Variants in FCRL5 observed in about 807,000 individuals in gnomAD.
The protein encoded by FCRL5 is Fc receptor-like protein 5.
A neutral mutation model predicts 92.1 loss-of-function variants in FCRL5; 79 were observed. The ratio of observed to expected loss-of-function variants is 0.86; its 90% CI spans 0.72 to 1.03. The LOEUF is 1.03. Among genes scored for constraint, FCRL5 ranks in the 50% least tolerant of loss-of-function variants. The pLI is 0.00. For missense variants in FCRL5, 1,160 were observed against 1,181.1 expected (o/e 0.98, Z 0.26); for synonymous variants, 466 against 469.3 (o/e 0.99, Z 0.09).
intron 8 of FCRL5, chr1:157,533,190 T>G (rs972396945): frequency 1.3e-5 from 2 of 152,318 alleles, no homozygotes; most frequent in Admixed American, 1.3e-4. Context: ...ATATTCAAGT[T>G]TTCTTTACTT....
chr1:157,513,789 T>C lies in FCRL5; in HGVS notation c.*1886A>G, dbSNP rs1254421686. On this transcript the variant is annotated 3_prime_UTR_variant, in exon 17 of 17. Coordinates refer to ENST00000361835, the MANE Select transcript of FCRL5 (RefSeq NM_031281.3). ...GTGCCTCCACCTTCTCAGAACTGCA[T>C]AGGGCGTGAGCTTTGTTGGTGATGT... The C allele has an allele frequency of 6.6e-6, 1 of 152,214 alleles. No individual in the cohort carries two copies. The highest frequency in any genetic ancestry group is 1.9e-4 in the East Asian group (1 of 5,196). The allele number at this position is 152,214 out of a possible 1,614,324, so 9.4% of individuals were successfully genotyped here.
rs1649911364 is a variant in FCRL5, at chr1:157,515,984, G to A, written c.2813-111C>T. The A allele has an allele frequency of 8.7e-6, 10 of 1,151,712 alleles. No individual in the cohort carries two copies. The South Asian group carries it at 1.3e-4, about 15-fold the overall frequency. 71.3% of individuals were successfully genotyped at this position (1,151,712 alleles called of 1,614,324 possible). ...TCCTGGAGGCCCGCTCTCCCTCTGT[G>A]CGGTGAGTAGCCATTCCTCTTAGTT... is the stretch of plus-strand genomic sequence containing the variant. On this transcript the variant is annotated intron_variant, in intron 15 of 16. Coordinates refer to ENST00000361835, the MANE Select transcript of FCRL5 (RefSeq NM_031281.3).
Position 157,542,754 on chromosome 1 carries a change from A to G in FCRL5, c.1123+105T>C, listed in dbSNP as rs1651325474. The G allele has an allele frequency of 2.9e-6, 4 of 1,375,396 alleles. No homozygotes were observed. The South Asian group carries it at 5.6e-5, about 19-fold the overall frequency. The allele number at this position is 1,375,396 out of a possible 1,614,324, so 85.2% of individuals were successfully genotyped here. A position where few individuals can be genotyped will look rare whatever the true frequency, so the allele number is the denominator to read the frequency against. On this transcript the variant is annotated intron_variant, in intron 6 of 16. Transcript: ENST00000361835. The stretch of plus-strand genomic sequence containing the variant: ...TGGAGGAGGACATTAGGTTTTCCCA[A>G]GAAAGAAACTGAGGATACTGGAAGG...
At chr1:157,535,843 A>T (rs550081423) in intron 7 of FCRL5, among the ~76,000 whole-genome samples, 1 of 152,080 alleles carries the variant, frequency 6.6e-6, no homozygotes, top group Non-Finnish European at 1.5e-5. Flanking sequence ...TCACACAGCT[A>T]GTAAGTGAAG....
Position 157,524,315 on chromosome 1 carries a change from C to A in FCRL5, c.2203G>T (p.Ala735Ser). ...AGTGTCACCATCTCACTGCGCTGGG[C>A]CTCCAGACCATTGTCTGCCTCACAG... Reference protein sequence around the residue: ...YSCEADNGLEAQRSEMVTLKV... With the variant: ...YSCEADNGLESQRSEMVTLKV... Residue 735 changes from alanine to serine, a missense_variant, in exon 10 of 17, where the codon GCC becomes TCC. Coordinates refer to ENST00000361835, the MANE Select transcript of FCRL5 (RefSeq NM_031281.3). The A allele has an allele frequency of 6.2e-7, 1 of 1,614,272 alleles. No individual in the cohort carries two copies. The highest frequency in any genetic ancestry group is 1.1e-5 in the South Asian group (1 of 91,088).
intron 3 of FCRL5, 73 bp from the exon 4 acceptor site, chr1:157,545,155 G>A: frequency 6.6e-7 from 1 of 1,510,386 alleles, no homozygotes; most frequent in Non-Finnish European, 8.9e-7. Context: ...TTTCCAAGTA[G>A]ATTTTATTTT....
At chr1:157,515,948 A>G in intron 15 of FCRL5, 75 bp from the exon 16 acceptor site, 1 of 1,551,356 alleles carries the variant, frequency 6.4e-7, no homozygotes, top group Non-Finnish European at 8.9e-7. Flanking sequence ...CTGTGGGGCC[A>G]GCCCTGAGCC....
chr1:157,534,859 G>C lies in FCRL5; in HGVS notation c.1436C>G (p.Ser479Cys). ...PVSHPVLTLS[S>C]AEALTFEGAT... Reference sequence around the variant, plus strand: ...TCCTTCAAAAGTCAGGGCCTCAGCAGAGCTGAGGGTGAGGACAGGATGAGA... The same window carrying C: ...TCCTTCAAAAGTCAGGGCCTCAGCACAGCTGAGGGTGAGGACAGGATGAGA... The change falls in exon 8 of 17, where the codon TCT becomes TGT. Residue 479 changes from serine to cysteine, a missense_variant. By Grantham distance (112) the Ser-to-Cys change is moderately radical (BLOSUM62 -1). Coordinates refer to ENST00000361835, the MANE Select transcript of FCRL5 (RefSeq NM_031281.3). 2 of 1,565,952 alleles carry C rather than the reference G, an allele frequency of 1.3e-6. No homozygotes were observed. Among genetic ancestry groups the C allele is most frequent in the Non-Finnish European group, 1.7e-6 (2 of 1,157,122 alleles).
In FCRL5 at chr1:157,546,979, G is replaced by A. The variant is rs199794080; in HGVS notation, c.271C>T (p.Pro91Ser). ...TCCAAGTGCACAGGGCTACTGAGAGGGGAGCCCTGGGCCTGGCATCTGTAC... is the reference window on the plus strand; with the variant it reads ...TCCAAGTGCACAGGGCTACTGAGAGAGGAGCCCTGGGCCTGGCATCTGTAC... ...GEYRCQAQGS[P>S]LSSPVHLDFS... The change falls in exon 3 of 17, where the codon CCT becomes TCT. Residue 91 changes from proline (P) to serine (S), a missense_variant. Coordinates refer to ENST00000361835, the MANE Select transcript of FCRL5 (RefSeq NM_031281.3). 13 of 1,614,150 alleles carry A rather than the reference G, an allele frequency of 8.1e-6. No homozygotes were observed. The East Asian group carries it at 2.5e-4, about 30-fold the overall frequency.
rs757369968 is a variant in FCRL5, at chr1:157,524,492, G to T, written c.2026C>A (p.Leu676Met). The T allele has an allele frequency of 4.3e-6, 7 of 1,614,162 alleles. No individual in the cohort carries two copies. In the South Asian group the frequency reaches 6.6e-5, roughly 15 times the overall value. The change falls in exon 10 of 17, where the codon CTG becomes ATG. Residue 676 changes from leucine to methionine, a missense_variant. Coordinates refer to ENST00000361835, the MANE Select transcript of FCRL5 (RefSeq NM_031281.3). ...PRAQAVVGDL[L>M]ELHCEALRGS... Reference sequence around the variant, plus strand: ...CTCAGGGCCTCACAGTGAAGCTCCAGCAGGTCCCCCACCACAGCCTGGGCC... The same window carrying T: ...CTCAGGGCCTCACAGTGAAGCTCCATCAGGTCCCCCACCACAGCCTGGGCC...
intron 10 of FCRL5, among the ~76,000 whole-genome samples, chr1:157,523,637 G>C (rs1236767498): frequency 6.6e-6 from 1 of 152,176 alleles, no homozygotes; most frequent in African/African-American, 2.4e-5. Context: ...CTTTCCTTGG[G>C]TTATTACACT....
intron 2 of FCRL5, chr1:157,547,399 A>C: frequency 1.3e-6 from 1 of 763,498 alleles, no homozygotes; most frequent in East Asian, 2.5e-5. Context: ...GATGGCAATG[A>C]GCAAAATGAT....
intron 8 of FCRL5, among the ~76,000 whole-genome samples, chr1:157,529,595 A>ACG (rs1491160203): frequency 2.1e-5 from 3 of 139,786 alleles, no homozygotes; most frequent in African/African-American, 9.7e-5. Flanking sequence ...ATACATACGC[A>ACG]TGTGTGTGTG....
At chr1:157,527,543 C>G in intron 9 of FCRL5, 74 bp downstream of exon 9, 2 of 1,433,844 alleles carry the variant, frequency 1.4e-6, no homozygotes, top group Non-Finnish European at 1.9e-6. Flanking sequence ...GAAACTGTAC[C>G]TCTGATCTTG....
intron 7 of FCRL5, among the ~76,000 whole-genome samples, chr1:157,538,334 A>T (rs114090626): frequency 0.013 from 1,979 of 152,296 alleles, 38 homozygotes; most frequent in African/African-American, 0.046. Context: ...ACCAACCAAG[A>T]CTGGACTCTC....
At chr1:157,518,875 G>C in intron 13 of FCRL5, 93 bp from the exon 14 acceptor site, 1 of 985,440 alleles carries the variant, frequency 1.0e-6, no homozygotes. Context: ...CTGCAGGGTG[G>C]CTGCCAGGCC....
chr1:157,529,882 G>A (rs886503181), intron 8 of FCRL5, among the ~76,000 whole-genome samples: 1 of 152,142 alleles, frequency 6.6e-6, no homozygotes, highest in African/African-American at 2.4e-5. Context: ...CTCTGGCAAC[G>A]AGTGCACCAA....
chr1:157,549,666 T>G, intron 1 of FCRL5, 86 bp from the exon 2 acceptor site: 10 of 1,177,906 alleles, frequency 8.5e-6, no homozygotes, highest in Non-Finnish European at 1.2e-5. Context: ...CCCATGCATG[T>G]ATTACTTGTC....
chr1:157,518,829 T>G, intron 13 of FCRL5, 47 bp from the exon 14 acceptor site: 1 of 1,507,986 alleles, frequency 6.6e-7, no homozygotes. Context: ...CCAGACAAAG[T>G]AGCTATAATG....
Sources: allele counts gnomAD v4.1 joint callset (sites outside exome capture counted in the v4.1 genomes callset), GRCh38; gene constraint gnomAD v4.1.1; transcripts MANE v1.5; gene names NCBI Gene and HGNC (gene_info 2026-07-23, HGNC 2026-07-21).